Variants in UNC79 observed in about 807,000 individuals in gnomAD.
UNC79 encodes the protein unc-79 subunit of NALCN channel complex, also known as protein unc-79 homolog.
In UNC79, 37 loss-of-function variants were observed where a neutral mutation model predicts 283.1. The observed-to-expected ratio is 0.13, with a 90% CI of 0.10 to 0.17. UNC79 has a LOEUF of 0.17. Among genes scored for constraint, UNC79 ranks in the 10% least tolerant of loss-of-function variants. The pLI is 1.00. For missense variants in UNC79, 2,272 were observed against 3,211.1 expected, an observed-to-expected ratio of 0.71 and a Z score of 7.07; for synonymous variants, 1,107 against 1,200.2, an observed-to-expected ratio of 0.92 and a Z score of 1.61.
chr14:93,630,988 A>G (rs1176418204), intron 31 of UNC79, 80 bp downstream of exon 33: 8 of 1,282,482 alleles, frequency 6.2e-6, no homozygotes, highest in South Asian at 6.1e-5. Flanking sequence ...AATTTTCCCA[A>G]TCTTGGTATT....
chr14:93,393,220 C>T (rs1395431981), intron 1 of UNC79, among the ~76,000 whole-genome samples: 1 of 152,152 alleles, frequency 6.6e-6, no homozygotes, highest in Non-Finnish European at 1.5e-5. Context: ...AATTGCTGCT[C>T]AAAGATCCTG....
rs116978977 is a variant in UNC79 at position 93,452,359 on chromosome 14, A to G, written c.23-15312A>G. Among the ~76,000 whole-genome samples, 24 of 148,288 alleles carry G rather than the reference A, an allele frequency of 1.6e-4. 1 individual carries two copies. In the East Asian group the frequency reaches 4.7e-3, roughly 29 times the overall value. On this transcript the variant is annotated intron_variant, in intron 1 of 48. Transcript: ENST00000555664. ...TACTGAATGTGTGAAAGAACAGATTACACCTGGACTGCATGATTTTTTTTT... is the reference window on the plus strand; with the variant it reads ...TACTGAATGTGTGAAAGAACAGATTGCACCTGGACTGCATGATTTTTTTTT...
chr14:93,564,638 A>G (rs1463505107), intron 14 of UNC79, among the ~76,000 whole-genome samples: 1 of 152,086 alleles, frequency 6.6e-6, no homozygotes, highest in East Asian at 1.9e-4. Context: ...CTTTTTAATC[A>G]CCTGGGTGCA....
chr14:93,618,498 T>TG, intron 29 of UNC79, 144 bp downstream of exon 30: 1 of 934,676 alleles, frequency 1.1e-6, no homozygotes, highest in Non-Finnish European at 1.5e-6. Context: ...CAACTTTCCA[T>TG]GAATGTTGCT....
intron 25 of UNC79, 108 bp from the exon 26 acceptor site, chr14:93,603,131 A>G: frequency 3.1e-6 from 4 of 1,298,576 alleles, no homozygotes; most frequent in Non-Finnish European, 4.2e-6. Flanking sequence ...ATCCATGAAA[A>G]ATGTATTTTA....
chr14:93,464,306 G>A (rs1350005204), intron 1 of UNC79, among the ~76,000 whole-genome samples: 1 of 152,216 alleles, frequency 6.6e-6, no homozygotes, highest in East Asian at 1.9e-4. Context: ...GGTGTTGGCA[G>A]GTTTGGTTTC....
intron 14 of UNC79, among the ~76,000 whole-genome samples, chr14:93,561,668 G>A (rs1394667314): frequency 6.6e-6 from 1 of 152,146 alleles, no homozygotes; most frequent in Admixed American, 6.6e-5. Context: ...GAATAAGATT[G>A]AGTATAAAAA....
chr14:93,461,346 C>G (rs78852580), intron 1 of UNC79, among the ~76,000 whole-genome samples: 2,646 of 152,218 alleles, frequency 0.017, 36 homozygotes, highest in South Asian at 0.072. Context: ...TATACAATCC[C>G]AATTTTGTTA....
intron 1 of UNC79, chr14:93,347,897 T>C: frequency 1.7e-6 from 1 of 582,572 alleles, no homozygotes; most frequent in Non-Finnish European, 3.1e-6. Flanking sequence ...GCATTTTAGA[T>C]TTCACTAGGC....
chr14:93,511,124 C>T (rs1279197923), intron 7 of UNC79, among the ~76,000 whole-genome samples: 2 of 152,062 alleles, frequency 1.3e-5, no homozygotes, highest in African/African-American at 4.8e-5. Context: ...GTGCCACGCA[C>T]TTTTAGACAA....
intron 33 of UNC79, 33 bp from the exon 37 acceptor site, chr14:93,643,524 T>C: frequency 6.2e-7 from 1 of 1,613,520 alleles, no homozygotes; most frequent in African/African-American, 1.3e-5. Flanking sequence ...GGTTCTTTCT[T>C]TCATGGAAAG....
At chr14:93,540,920 G>A in intron 13 of UNC79, 89 bp downstream of exon 13, 1 of 1,546,584 alleles carries the variant, frequency 6.5e-7, no homozygotes, top group East Asian at 2.3e-5. Context: ...CTTTTAAAAG[G>A]AGTAAATAGT....
intron 31 of UNC79, among the ~76,000 whole-genome samples, chr14:93,633,390 G>A (rs1424235832): frequency 6.6e-6 from 1 of 152,146 alleles, no homozygotes; most frequent in African/African-American, 2.4e-5. Context: ...TAAAAATAAT[G>A]TTATAATTGA....
At chr14:93,614,148 A>G (rs2066512114) in intron 27 of UNC79, among the ~76,000 whole-genome samples, 1 of 151,990 alleles carries the variant, frequency 6.6e-6, no homozygotes, top group South Asian at 2.1e-4. Context: ...TAACAGTTGT[A>G]AGTGTACAGT....
chr14:93,641,318 G>A (rs912977604), intron 33 of UNC79, 71 bp downstream of exon 36: 1 of 1,446,478 alleles, frequency 6.9e-7, no homozygotes, highest in African/African-American at 1.4e-5. Context: ...TGGTGAGAAA[G>A]TTTCAGAAAA....
rs185566718 is a variant in UNC79, at chr14:93,555,905, G to A, written c.1755+13209G>A. 3.8e-3 allele frequency among the ~76,000 whole-genome samples: 586 copies of A among 152,294 alleles called. 2 individuals are homozygous for A. Among genetic ancestry groups the A allele is most frequent in the Non-Finnish European group, 5.5e-3 (376 of 68,030 alleles). ...TAAAAGTTTAGGTGAGACAGCCAGG[G>A]AAAACAGATACCCTTACATGTGGAG... On this transcript the variant is annotated intron_variant, in intron 14 of 48. Transcript: ENST00000555664.
At chr14:93,575,966 T>A (rs1321103982) in intron 17 of UNC79, among the ~76,000 whole-genome samples, 5 of 152,230 alleles carry the variant, frequency 3.3e-5, no homozygotes, top group Non-Finnish European at 7.3e-5. Flanking sequence ...TGGGTTTGCA[T>A]TCAGTGTTTT....
At chr14:93,584,638 G>T (rs934649577) in intron 20 of UNC79, among the ~76,000 whole-genome samples, 15 of 152,110 alleles carry the variant, frequency 9.9e-5, no homozygotes, top group Admixed American at 2.0e-4. Context: ...TCAATTAACT[G>T]CTGCTTTTAT....
intron 1 of UNC79, among the ~76,000 whole-genome samples, chr14:93,340,259 G>A (rs1055226495): frequency 1.3e-5 from 2 of 152,072 alleles, no homozygotes; most frequent in Admixed American, 6.5e-5. Flanking sequence ...TGGCTAACGC[G>A]GTGAAATGCC....
Sources: allele counts gnomAD v4.1 joint callset (sites outside exome capture counted in the v4.1 genomes callset), GRCh38; gene constraint gnomAD v4.1.1; transcripts MANE v1.5; gene names NCBI Gene and HGNC (gene_info 2026-07-23, HGNC 2026-07-21).